SLC14A2: variants seen among roughly 807,000 people sequenced by gnomAD.
SLC14A2 encodes the protein urea transporter 2.
In SLC14A2, 91 loss-of-function variants were observed where a neutral mutation model predicts 104.6. That is an observed-to-expected ratio of 0.87 (90% CI 0.73 to 1.04). The LOEUF (loss-of-function observed/expected upper bound fraction) is 1.04, where lower values mean the gene tolerates loss of function less well. SLC14A2 is among the 50% of genes least tolerant of loss of function. The pLI is 0.00. For missense variants in SLC14A2, 1,189 were observed against 1,156.0 expected, an observed-to-expected ratio of 1.03 and a Z score of -0.41; for synonymous variants, 476 against 466.4, an observed-to-expected ratio of 1.02 and a Z score of -0.27.
chr18:45,478,552 A>G (rs1362632810), intron 1 of SLC14A2, among the ~76,000 whole-genome samples: 4 of 152,130 alleles, frequency 2.6e-5, no homozygotes, highest in East Asian at 1.9e-4. Flanking sequence ...TTTTCTTGCA[A>G]TATCTTTGTA....
At chr18:45,468,097 G>A (rs1011750717) in intron 1 of SLC14A2, among the ~76,000 whole-genome samples, 9 of 152,136 alleles carry the variant, frequency 5.9e-5, no homozygotes, top group African/African-American at 2.2e-4. Context: ...CCTTCCGCTG[G>A]AGGATCTTCA....
intron 1 of SLC14A2, among the ~76,000 whole-genome samples, chr18:45,320,220 T>A (rs2085171425): frequency 6.6e-6 from 1 of 152,172 alleles, no homozygotes; most frequent in Non-Finnish European, 1.5e-5. Context: ...ACTAGGATAG[T>A]GGAATTATTA....
intron 10 of SLC14A2, among the ~76,000 whole-genome samples, chr18:45,653,425 C>T (rs1359350479): frequency 6.6e-6 from 1 of 152,038 alleles, no homozygotes; most frequent in Non-Finnish European, 1.5e-5. Flanking sequence ...TGAGGTTTTG[C>T]TTCTGAACCT....
intron 1 of SLC14A2, among the ~76,000 whole-genome samples, chr18:45,219,469 G>T (rs565517656): frequency 6.6e-6 from 1 of 151,876 alleles, no homozygotes; most frequent in Non-Finnish European, 1.5e-5. Context: ...CCATGGGGTC[G>T]GTCCTCAGGT....
At chr18:45,420,148 T>A (rs1454597824) in intron 1 of SLC14A2, among the ~76,000 whole-genome samples, 1 of 152,194 alleles carries the variant, frequency 6.6e-6, no homozygotes, top group Non-Finnish European at 1.5e-5. Flanking sequence ...CCAAGGCAGC[T>A]CACTCACATG....
In SLC14A2 at chr18:45,669,505, A is replaced by G. The variant is rs1360462901; in HGVS notation, c.2229+7A>G. ...AGAGGTCCAAGTGCCCTTGGTACGT[A>G]TCATGGAAGGAGGAAGGGCAGGTCT... On this transcript the variant is annotated splice_region_variant and intron_variant, in intron 16 of 19. Coordinates refer to ENST00000255226, the MANE Select transcript of SLC14A2 (RefSeq NM_007163.4). 3.7e-6 allele frequency: 6 copies of G among 1,610,270 alleles called. No individual in the cohort carries two copies. The highest frequency in any genetic ancestry group is 5.1e-6 in the Non-Finnish European group (6 of 1,177,426).
At chr18:45,642,093 A>G (rs1276860766) in intron 8 of SLC14A2, among the ~76,000 whole-genome samples, 2 of 152,216 alleles carry the variant, frequency 1.3e-5, no homozygotes, top group African/African-American at 4.8e-5. Context: ...AGGGAGAGTC[A>G]ATCCCAGCCC....
chr18:45,391,965 C>T (rs2085973564), intron 1 of SLC14A2, among the ~76,000 whole-genome samples: 1 of 152,170 alleles, frequency 6.6e-6, no homozygotes, highest in African/African-American at 2.4e-5. Context: ...CTTTTGTTGC[C>T]ATTGCTTTTG....
At chr18:45,486,939 G>A (rs573930547) in intron 2 of SLC14A2, among the ~76,000 whole-genome samples, 42 of 152,306 alleles carry the variant, frequency 2.8e-4, no homozygotes, top group African/African-American at 9.6e-4. Flanking sequence ...GACCAGTGAA[G>A]GGCATGTCCA....
At position 45,658,087 on chromosome 18, in the gene SLC14A2, T is replaced by C. The variant is rs760768418; in HGVS notation, c.1352-5698T>C. Among the ~76,000 whole-genome samples, 68 of 152,194 alleles carry C rather than the reference T, an allele frequency of 4.5e-4. 1 individual carries two copies. Among genetic ancestry groups the C allele is most frequent in the Non-Finnish European group, 1.0e-4 (7 of 68,042 alleles). On this transcript the variant is annotated intron_variant, in intron 10 of 19. Coordinates refer to ENST00000255226, the MANE Select transcript of SLC14A2 (RefSeq NM_007163.4). ...TGTGTCACTTCAAAGACAGTGGTTC[T>C]GGTATTGCAGCAAGGAAATTGCCTT...
upstream of SLC14A2, among the ~76,000 whole-genome samples, chr18:45,211,582 CCTT>C (rs946659921): frequency 8.5e-5 from 13 of 152,166 alleles, 1 homozygote; most frequent in South Asian, 2.3e-3. Flanking sequence ...TCTCTTTCCT[CCTT>C]CTTACTCTCC....
chr18:45,270,082 A>T (rs2084635640), intron 1 of SLC14A2, among the ~76,000 whole-genome samples: 1 of 152,144 alleles, frequency 6.6e-6, no homozygotes, highest in Admixed American at 6.5e-5. Context: ...TTGACTGATG[A>T]TGGAGGGGTT....
chr18:45,305,548 C>A (rs2085011178), intron 1 of SLC14A2, among the ~76,000 whole-genome samples: 1 of 152,164 alleles, frequency 6.6e-6, no homozygotes, highest in Non-Finnish European at 1.5e-5. Flanking sequence ...GTTTTCTTCT[C>A]CTCTTTGTCA....
At chr18:45,291,715 C>T (rs1241597218) in intron 1 of SLC14A2, among the ~76,000 whole-genome samples, 2 of 152,088 alleles carry the variant, frequency 1.3e-5, no homozygotes, top group South Asian at 2.1e-4. Flanking sequence ...GTGGACGTTC[C>T]TCCCCCTGCC....
At chr18:45,522,084 G>A (rs1857424435) in intron 2 of SLC14A2, among the ~76,000 whole-genome samples, 1 of 152,200 alleles carries the variant, frequency 6.6e-6, no homozygotes, top group Non-Finnish European at 1.5e-5. Context: ...AGGCAGTTAT[G>A]TGCCTTTCTG....
chr18:45,248,637 G>A (rs1016147092), intron 1 of SLC14A2, among the ~76,000 whole-genome samples: 2 of 152,138 alleles, frequency 1.3e-5, no homozygotes, highest in African/African-American at 4.8e-5. Flanking sequence ...GCAGAGACAT[G>A]GCTCTCCAAC....
intron 1 of SLC14A2, among the ~76,000 whole-genome samples, chr18:45,325,205 C>G (rs879603276): frequency 2.3e-4 from 35 of 152,164 alleles, no homozygotes; most frequent in African/African-American, 8.2e-4. Flanking sequence ...TAGAAGTCAA[C>G]GGGTGAGTCT....
rs370947378 is a variant in SLC14A2 at position 45,422,875 on chromosome 18, T to C, written c.-124-60358T>C. 3.3e-5 allele frequency among the ~76,000 whole-genome samples: 5 copies of C among 152,300 alleles called. No homozygotes were observed. The East Asian group carries it at 9.6e-4, about 29-fold the overall frequency. ...AGGACAGGCAATTACACCTCATCAGTGCGATTTGTACACTGCTGTCACATG... is the reference window on the plus strand; with the variant it reads ...AGGACAGGCAATTACACCTCATCAGCGCGATTTGTACACTGCTGTCACATG... On this transcript the variant is annotated intron_variant, in intron 1 of 20. Coordinates refer to the SLC14A2 transcript ENST00000586448.
chr18:45,435,627 G>T (rs2086584078), intron 1 of SLC14A2, among the ~76,000 whole-genome samples: 1 of 152,130 alleles, frequency 6.6e-6, no homozygotes, highest in South Asian at 2.1e-4. Context: ...CCTCCCAGCT[G>T]AAGAGTTTGC....
Sources: allele counts gnomAD v4.1 joint callset (sites outside exome capture counted in the v4.1 genomes callset), GRCh38; gene constraint gnomAD v4.1.1; transcripts MANE v1.5; gene names NCBI Gene and HGNC (gene_info 2026-07-23, HGNC 2026-07-21).